Variants in CERS3 observed in about 807,000 individuals in gnomAD.
CERS3 encodes the protein LAG1 homolog, ceramide synthase 3.
In CERS3, 33 loss-of-function variants were observed where a neutral mutation model predicts 50.3. The ratio of observed to expected loss-of-function variants is 0.66; its 90% CI spans 0.50 to 0.88. The LOEUF (loss-of-function observed/expected upper bound fraction) is 0.88, where lower values mean the gene tolerates loss of function less well. Among genes scored for constraint, CERS3 ranks in the 40% least tolerant of loss-of-function variants. The pLI, the probability that CERS3 is intolerant of heterozygous loss-of-function variation, is 0.00. For missense variants in CERS3, 470 were observed against 460.3 expected, an observed-to-expected ratio of 1.02 and a Z score of -0.19; for synonymous variants, 176 against 155.2, an observed-to-expected ratio of 1.13 and a Z score of -0.99.
At position 100,452,074 on chromosome 15, in the gene CERS3, G is replaced by A. The variant is rs573149805; in HGVS notation, c.999+3819C>T. Among the ~76,000 whole-genome samples, 10 of 152,156 alleles carry A rather than the reference G, an allele frequency of 6.6e-5. No individual in the cohort carries two copies. The East Asian group carries it at 9.7e-4, about 15-fold the overall frequency. Reference sequence around the variant, plus strand: ...TCACCATTAGATGGATCATCTGGACGGAATATTTATAAAGAAACATTGGAT... The same window carrying A: ...TCACCATTAGATGGATCATCTGGACAGAATATTTATAAAGAAACATTGGAT... On this transcript the variant is annotated intron_variant, in intron 11 of 11. Transcript: ENST00000679737.
intron 11 of CERS3, among the ~76,000 whole-genome samples, chr15:100,444,755 A>T (rs1182108934): frequency 6.6e-6 from 1 of 152,202 alleles, no homozygotes. Context: ...CTGAGTCAGG[A>T]AACTAAAATA....
chr15:100,538,000 G>A (rs2037113916), intron 1 of CERS3, among the ~76,000 whole-genome samples: 1 of 152,146 alleles, frequency 6.6e-6, no homozygotes, highest in Non-Finnish European at 1.5e-5. Flanking sequence ...GGTGAAATTG[G>A]CCAAAACAAA....
rs959676291 is a variant in CERS3, at chr15:100,402,504, T to C, written c.*209A>G. On this transcript the variant is annotated 3_prime_UTR_variant, in exon 12 of 12. Transcript: ENST00000679737. ...CTTTGAAATCTTTGACCAGTCTGAG[T>C]CCTAACTGCAGTAAAAATCCATGGG... 3 of 564,490 alleles carry C rather than the reference T, an allele frequency of 5.3e-6. No homozygotes were observed. The highest frequency in any genetic ancestry group is 1.9e-5 in the African/African-American group (1 of 52,858). The allele number at this position is 564,490 out of a possible 1,614,324, so 35.0% of individuals were successfully genotyped here. A position where few individuals can be genotyped will look rare whatever the true frequency, so the allele number is the denominator to read the frequency against.
At chr15:100,469,581 CAA>C (rs2034897870) in intron 9 of CERS3, 97 bp from the exon 10 acceptor site, 1 of 849,058 alleles carries the variant, frequency 1.2e-6, no homozygotes, top group East Asian at 2.7e-5. Flanking sequence ...GGATTTGCTT[CAA>C]AACAATCTGG....
intron 1 of CERS3, among the ~76,000 whole-genome samples, chr15:100,524,148 C>T (rs2036719377): frequency 6.6e-6 from 1 of 151,622 alleles, no homozygotes; most frequent in Admixed American, 6.6e-5. Context: ...ACCAGTAGGT[C>T]ACAAAATTAA....
upstream of CERS3, among the ~76,000 whole-genome samples, chr15:100,531,382 C>T (rs1234944892): frequency 2.0e-5 from 3 of 152,074 alleles, no homozygotes; most frequent in Admixed American, 2.0e-4. Flanking sequence ...GAGTGAGGAA[C>T]TCGGAGGGTT....
At chr15:100,411,941 A>G (rs570266102) in intron 11 of CERS3, among the ~76,000 whole-genome samples, 3 of 152,262 alleles carry the variant, frequency 2.0e-5, no homozygotes, top group Admixed American at 2.0e-4. Context: ...CCTTTGCCCA[A>G]TTTTGAACCC....
At chr15:100,408,590 A>G (rs539818564) in intron 11 of CERS3, 1 of 152,284 alleles carries the variant, frequency 6.6e-6, no homozygotes, top group Non-Finnish European at 1.5e-5. Flanking sequence ...TGTGGCTCCG[A>G]TAGGATTGAC....
At chr15:100,504,480 T>TTGG (rs2142338637) in intron 2 of CERS3, among the ~76,000 whole-genome samples, 1 of 152,180 alleles carries the variant, frequency 6.6e-6, no homozygotes, top group Admixed American at 6.5e-5. Context: ...CAACCTCAGG[T>TTGG]GATCCGCCCG....
chr15:100,501,219 A>G (rs2035986208), intron 3 of CERS3, among the ~76,000 whole-genome samples: 2 of 152,234 alleles, frequency 1.3e-5, no homozygotes, highest in Non-Finnish European at 2.9e-5. Context: ...AAGCTATACT[A>G]TATAGCAATA....
intron 10 of CERS3, among the ~76,000 whole-genome samples, chr15:100,456,943 T>TG (rs1418564084): frequency 4.4e-5 from 2 of 45,574 alleles, no homozygotes; most frequent in Non-Finnish European, 1.2e-4. Context: ...CAAGATTCCG[T>TG]GAAAAAAAAA....
At chr15:100,504,390 T>A (rs1383880348) in intron 2 of CERS3, among the ~76,000 whole-genome samples, 2 of 151,930 alleles carry the variant, frequency 1.3e-5, no homozygotes, top group South Asian at 2.1e-4. Context: ...ATTACAGACA[T>A]ATGCCACCAT....
chr15:100,435,333 C>G (rs1225217526), intron 11 of CERS3, among the ~76,000 whole-genome samples: 1 of 152,182 alleles, frequency 6.6e-6, no homozygotes, highest in Non-Finnish European at 1.5e-5. Context: ...CTGTTGGAAA[C>G]AGATGCCAGC....
intron 2 of CERS3, among the ~76,000 whole-genome samples, chr15:100,513,882 AC>A (rs1277563922): frequency 6.6e-6 from 1 of 152,034 alleles, no homozygotes. Context: ...TGCTCTGCTC[AC>A]CCCTTCACCT....
chr15:100,486,791 C>A (rs2035498581), intron 4 of CERS3, among the ~76,000 whole-genome samples: 1 of 152,208 alleles, frequency 6.6e-6, no homozygotes, highest in Non-Finnish European at 1.5e-5. Flanking sequence ...AGCACTGGTG[C>A]CAGGCACCAT....
intron 3 of CERS3, chr15:100,500,155 A>G (rs2142325012): frequency 6.6e-6 from 1 of 152,320 alleles, no homozygotes; most frequent in South Asian, 2.1e-4. Flanking sequence ...TCCCTGTTAA[A>G]TTTTCCTTCC....
intron 2 of CERS3, among the ~76,000 whole-genome samples, chr15:100,513,806 G>A (rs2036419978): frequency 6.6e-6 from 1 of 152,082 alleles, no homozygotes; most frequent in Admixed American, 6.5e-5. Context: ...CAAAGTGCTG[G>A]AATTACTGTC....
intron 11 of CERS3, among the ~76,000 whole-genome samples, chr15:100,415,757 A>C (rs2142070534): frequency 6.6e-6 from 1 of 151,732 alleles, no homozygotes; most frequent in East Asian, 1.9e-4. Context: ...ACACGGACAT[A>C]GGGAGGTGAA....
At chr15:100,485,719 C>G (rs531089928) in intron 4 of CERS3, among the ~76,000 whole-genome samples, 1 of 151,980 alleles carries the variant, frequency 6.6e-6, no homozygotes, top group East Asian at 1.9e-4. Context: ...CAAAAATTAG[C>G]TGGGCGTGGT....
Sources: allele counts gnomAD v4.1 joint callset (sites outside exome capture counted in the v4.1 genomes callset), GRCh38; gene constraint gnomAD v4.1.1; transcripts MANE v1.5; gene names NCBI Gene and HGNC (gene_info 2026-07-23, HGNC 2026-07-21).